Variants in AIG1 observed in about 807,000 individuals in gnomAD.
AIG1 encodes androgen-induced gene 1 protein.
Under a neutral mutation model 31.4 loss-of-function variants are expected in AIG1, and 23 were observed. That is an observed-to-expected ratio of 0.73 (90% CI 0.53 to 1.04). AIG1 has a LOEUF of 1.04. AIG1 is among the 50% of genes least tolerant of loss of function. AIG1 has a pLI of 0.00. For missense variants in AIG1, 274 were observed against 295.0 expected (o/e 0.93, Z 0.52); for synonymous variants, 100 against 110.5 (o/e 0.90, Z 0.60).
intron 5 of AIG1, among the ~76,000 whole-genome samples, chr6:143,337,728 A>T (rs546050607): frequency 2.0e-5 from 3 of 152,058 alleles, no homozygotes; most frequent in South Asian, 4.2e-4. Context: ...CGTGCAGGTC[A>T]TTTCCCCCCA....
At chr6:143,166,091 A>G (rs1483379213) in intron 3 of AIG1, among the ~76,000 whole-genome samples, 1 of 152,116 alleles carries the variant, frequency 6.6e-6, no homozygotes, top group Non-Finnish European at 1.5e-5. Context: ...TCTGCCCCCA[A>G]TTTTGGTATA....
rs1463168753 is a variant in AIG1, at chr6:143,330,570, G to A, written c.516-2712G>A. Among the ~76,000 whole-genome samples the A allele has an allele frequency of 6.6e-6, 1 of 152,062 alleles. No individual in the cohort carries two copies. The highest frequency in any genetic ancestry group is 1.5e-5 in the Non-Finnish European group (1 of 68,022). On this transcript the variant is annotated intron_variant, in intron 4 of 5. Coordinates refer to ENST00000357847, the MANE Select transcript of AIG1 (RefSeq NM_016108.4). This position sits in a 1 kb window ranked among gnomAD's most constrained non-coding sequence, Gnocchi z 4.4. ...ATTAAATCAGAAAAGTGCGGGGTAG[G>A]GCCTTGAAGAACCATCTAGGGACTC...
intron 2 of AIG1, among the ~76,000 whole-genome samples, chr6:143,143,528 A>AAAAAAAATATATAT (rs1554249782): frequency 1.1e-4 from 3 of 27,794 alleles, no homozygotes; most frequent in Admixed American, 9.5e-4. Context: ...AAAAAAAAAA[A>AAAAAAAATATATAT]ATATATATAT....
chr6:143,088,210 T>A (rs763587697), intron 1 of AIG1, among the ~76,000 whole-genome samples: 7 of 152,134 alleles, frequency 4.6e-5, no homozygotes, highest in Non-Finnish European at 8.8e-5. Flanking sequence ...ATTTGAAGAG[T>A]TGGCTTCTCA....
intron 1 of AIG1, among the ~76,000 whole-genome samples, chr6:143,104,096 A>G (rs1780585730): frequency 6.6e-6 from 1 of 152,148 alleles, no homozygotes; most frequent in Admixed American, 6.5e-5. Flanking sequence ...GTGATCAGCA[A>G]ATTTAGAGGT....
At chr6:143,238,899 G>A (rs891444227) in intron 3 of AIG1, among the ~76,000 whole-genome samples, 5 of 152,176 alleles carry the variant, frequency 3.3e-5, no homozygotes, top group East Asian at 3.8e-4. Context: ...AAGAGAACCA[G>A]TTACAACTTC....
intron 1 of AIG1, among the ~76,000 whole-genome samples, chr6:143,064,340 T>TA (rs1404066449): frequency 1.3e-5 from 2 of 152,064 alleles, no homozygotes; most frequent in Non-Finnish European, 2.9e-5. Flanking sequence ...CAGAGAGAGA[T>TA]ACGACAATGC....
chr6:143,281,184 T>C (rs905916627), intron 3 of AIG1, among the ~76,000 whole-genome samples: 4 of 152,228 alleles, frequency 2.6e-5, no homozygotes, highest in African/African-American at 9.6e-5. Context: ...TAGTTTTGTA[T>C]CCTACCTCCA....
intron 1 of AIG1, among the ~76,000 whole-genome samples, chr6:143,125,567 A>G (rs1469396736): frequency 2.6e-5 from 4 of 152,196 alleles, no homozygotes; most frequent in Non-Finnish European, 5.9e-5. Flanking sequence ...GTAGCTGAGG[A>G]AGCTCAGTCA....
In AIG1 at chr6:143,150,879, G is replaced by A. The variant is rs143555555; in HGVS notation, c.297+13889G>A. ...AAGTTAATTAGTTTAGTATAACTTT[G>A]TGTCTCTTAATTGATGAAAAGTGTT... On this transcript the variant is annotated intron_variant, in intron 2 of 5. Transcript: ENST00000357847. 3.1e-3 allele frequency among the ~76,000 whole-genome samples: 472 copies of A among 152,252 alleles called. 15 individuals are homozygous for A. In the East Asian group the frequency reaches 0.052, roughly 17 times the overall value.
intron 1 of AIG1, among the ~76,000 whole-genome samples, chr6:143,096,567 G>C (rs1779817760): frequency 6.6e-6 from 1 of 152,156 alleles, no homozygotes; most frequent in Admixed American, 6.5e-5. Flanking sequence ...GTTTTAAATA[G>C]CAGAATCAAA....
chr6:143,339,590 T>G, intron 5 of AIG1, 49 bp from the exon 6 acceptor site: 1 of 1,589,648 alleles, frequency 6.3e-7, no homozygotes, highest in Non-Finnish European at 8.6e-7. Context: ...AACAAACTGC[T>G]TGTGGTTTAA....
chr6:143,281,427 T>C (rs933601837), intron 3 of AIG1, among the ~76,000 whole-genome samples: 37 of 152,214 alleles, frequency 2.4e-4, no homozygotes, highest in African/African-American at 8.0e-4. Flanking sequence ...TGATTTTAAC[T>C]GGAGTTAAAT....
chr6:143,136,380 T>C (rs1013509181), intron 1 of AIG1, among the ~76,000 whole-genome samples: 6 of 152,230 alleles, frequency 3.9e-5, no homozygotes, highest in African/African-American at 1.2e-4. Flanking sequence ...GACTGAATTG[T>C]CTTGTTATTC....
chr6:143,198,370 A>G (rs1790425104), intron 3 of AIG1, among the ~76,000 whole-genome samples: 2 of 152,202 alleles, frequency 1.3e-5, no homozygotes, highest in South Asian at 4.1e-4. Context: ...GCTGATCACC[A>G]TCTCCAGGAC....
Position 143,338,928 on chromosome 6 carries a change from A to G in AIG1, c.680-711A>G, listed in dbSNP as rs898315325. 3 of 152,238 alleles carry G rather than the reference A, an allele frequency of 2.0e-5. No homozygotes were observed. Among genetic ancestry groups the G allele is most frequent in the Non-Finnish European group, 4.4e-5 (3 of 68,038 alleles). The allele number at this position is 152,238 out of a possible 1,614,324, so 9.4% of individuals were successfully genotyped here. ...CAAGAAGCACTTGCCAGATTTAACT[A>G]TAATTCCTAAAAATGATGAACATTT... is the stretch of plus-strand genomic sequence containing the variant. On this transcript the variant is annotated intron_variant, in intron 5 of 5. Coordinates refer to ENST00000357847, the MANE Select transcript of AIG1 (RefSeq NM_016108.4). This position sits in a 1 kb window ranked among gnomAD's most constrained non-coding sequence, Gnocchi z 4.3.
At chr6:143,273,483 C>G (rs1358534989) in intron 3 of AIG1, among the ~76,000 whole-genome samples, 3 of 152,024 alleles carry the variant, frequency 2.0e-5, no homozygotes, top group Admixed American at 2.0e-4. Context: ...CTGCTGTGTC[C>G]CCCATTGCTC....
chr6:143,113,614 A>C lies in AIG1; in HGVS notation c.142-23221A>C, dbSNP rs1781480233. Among the ~76,000 whole-genome samples, 4 of 151,716 alleles carry C rather than the reference A, an allele frequency of 2.6e-5. No homozygotes were observed. The South Asian group carries it at 8.3e-4, about 32-fold the overall frequency. On this transcript the variant is annotated intron_variant, in intron 1 of 5. Transcript: ENST00000357847. ...AGAGACTCCATCTCAAAAAAAAAAA[A>C]CAAAAAAAAAGTTACAGATTTCTTT...
intron 1 of AIG1, among the ~76,000 whole-genome samples, chr6:143,075,112 T>C (rs887503255): frequency 2.0e-5 from 3 of 152,238 alleles, no homozygotes; most frequent in Non-Finnish European, 4.4e-5. Flanking sequence ...TTTATCTTTC[T>C]CTTATTGTCT....
Sources: allele counts gnomAD v4.1 joint callset (sites outside exome capture counted in the v4.1 genomes callset), GRCh38; gene constraint gnomAD v4.1.1; non-coding constraint Gnocchi (gnomAD v3.1); transcripts MANE v1.5; gene names NCBI Gene and HGNC (gene_info 2026-07-23, HGNC 2026-07-21).